Variants in ATG7 observed in about 807,000 individuals in gnomAD.
The protein encoded by ATG7 is autophagy related 7.
ATG7 carries 70 observed loss-of-function variants against 82.4 expected under a neutral mutation model. The ratio of observed to expected loss-of-function variants is 0.85; its 90% CI spans 0.70 to 1.04. The LOEUF is 1.04. Among genes scored for constraint, ATG7 ranks in the 50% least tolerant of loss-of-function variants. The pLI, the probability that ATG7 is intolerant of heterozygous loss-of-function variation, is 0.00. For missense variants in ATG7, 792 were observed against 864.3 expected, an observed-to-expected ratio of 0.92 and a Z score of 1.05; for synonymous variants, 287 against 313.0, an observed-to-expected ratio of 0.92 and a Z score of 0.88.
In ATG7 at chr3:11,503,646, C is replaced by T. The variant is rs537020733; in HGVS notation, c.2080-51165C>T. On this transcript the variant is annotated intron_variant, in intron 20 of 20. Transcript: ENST00000693202. Reference sequence around the variant, plus strand: ...TGGCGCGTGCCTGTAATCCCAGCTACTCAGGAGGCTGAGGCAGGAGAATCG... The same window carrying T: ...TGGCGCGTGCCTGTAATCCCAGCTATTCAGGAGGCTGAGGCAGGAGAATCG... Among the ~76,000 whole-genome samples, 149 of 150,858 alleles carry T rather than the reference C, an allele frequency of 9.9e-4. 1 individual carries two copies. The highest frequency in any genetic ancestry group is 3.3e-3 in the African/African-American group (135 of 41,102).
At chr3:11,440,040 C>T (rs938130827) in intron 20 of ATG7, among the ~76,000 whole-genome samples, 9 of 152,208 alleles carry the variant, frequency 5.9e-5, no homozygotes, top group African/African-American at 1.9e-4. Flanking sequence ...TAGGGTGATG[C>T]AGAGGCATTC....
At chr3:11,349,792 A>G (rs887564954) in intron 14 of ATG7, among the ~76,000 whole-genome samples, 5 of 152,210 alleles carry the variant, frequency 3.3e-5, no homozygotes, top group African/African-American at 1.2e-4. Flanking sequence ...AATTGAATGC[A>G]AGTCTTCATG....
intron 3 of ATG7, chr3:11,288,866 T>C (rs1944509239): frequency 6.6e-6 from 1 of 152,196 alleles, no homozygotes; most frequent in Non-Finnish European, 1.5e-5. Flanking sequence ...GGGGATTGTA[T>C]TGGTTAACCA....
chr3:11,358,200 C>G (rs534231679), intron 14 of ATG7, among the ~76,000 whole-genome samples: 3 of 152,112 alleles, frequency 2.0e-5, no homozygotes, highest in East Asian at 3.9e-4. Context: ...CTGTTTGCTG[C>G]CCTGCCCTGC....
chr3:11,442,910 G>A (rs971901153), intron 20 of ATG7, among the ~76,000 whole-genome samples: 1 of 151,994 alleles, frequency 6.6e-6, no homozygotes, highest in Admixed American at 6.6e-5. Flanking sequence ...CACAAAGCAA[G>A]ACCTTGGCTG....
chr3:11,353,923 C>T (rs114102892), intron 14 of ATG7, among the ~76,000 whole-genome samples: 2 of 152,318 alleles, frequency 1.3e-5, no homozygotes, highest in African/African-American at 2.4e-5. Flanking sequence ...ACCAGGAGGT[C>T]ATGAGCACCC....
At position 11,333,096 on chromosome 3, in the gene ATG7, A is replaced by T; in HGVS notation, c.889+3A>T. The T allele has an allele frequency of 6.5e-7, 1 of 1,548,740 alleles. No individual in the cohort carries two copies. ...TCCAGAAATGGCATTTAGCCCAGGTAATTTGCCGGTCTTTGAAAATGCATA... is the reference window on the plus strand; with the variant it reads ...TCCAGAAATGGCATTTAGCCCAGGTTATTTGCCGGTCTTTGAAAATGCATA... On this transcript the variant is annotated splice_donor_region_variant and intron_variant, in intron 11 of 20. Transcript: ENST00000693202.
chr3:11,461,548 T>C (rs557045564), intron 20 of ATG7, among the ~76,000 whole-genome samples: 1 of 152,292 alleles, frequency 6.6e-6, no homozygotes, highest in South Asian at 2.1e-4. Flanking sequence ...TCACAGTGAA[T>C]TGAACAGACT....
Position 11,555,149 on chromosome 3 carries a change from C to A in ATG7, c.*306C>A. ...TGATAGCCATCCCCCAGGATCCTTTCCCCTTGGCCCTGAGGGGGTGACCCA... is the reference window on the plus strand; with the variant it reads ...TGATAGCCATCCCCCAGGATCCTTTACCCTTGGCCCTGAGGGGGTGACCCA... On this transcript the variant is annotated 3_prime_UTR_variant, in exon 21 of 21. Transcript: ENST00000693202. The A allele has an allele frequency of 2.4e-6, 1 of 411,080 alleles. No individual in the cohort carries two copies. The highest frequency in any genetic ancestry group is 6.6e-4 in the Middle Eastern group (1 of 1,524). 25.5% of individuals were successfully genotyped at this position (411,080 alleles called of 1,614,324 possible). A position where few individuals can be genotyped will look rare whatever the true frequency, so the allele number is the denominator to read the frequency against.
intron 20 of ATG7, among the ~76,000 whole-genome samples, chr3:11,433,474 G>A (rs2083095791): frequency 6.6e-6 from 1 of 151,964 alleles, no homozygotes; most frequent in Non-Finnish European, 1.5e-5. Flanking sequence ...CCAACTGTGG[G>A]TTCAACATCA....
intron 7 of ATG7, among the ~76,000 whole-genome samples, chr3:11,310,778 A>G (rs984935594): frequency 6.6e-6 from 1 of 151,836 alleles, no homozygotes; most frequent in Non-Finnish European, 1.5e-5. Flanking sequence ...GACTACAGGC[A>G]CCCACCACCA....
intron 18 of ATG7, among the ~76,000 whole-genome samples, chr3:11,366,562 T>G (rs1026123083): frequency 4.6e-5 from 7 of 152,236 alleles, no homozygotes; most frequent in African/African-American, 7.2e-5. Flanking sequence ...GTCTCCCGCC[T>G]TCTTCTGACC....
the ATG7 span, among the ~76,000 whole-genome samples, chr3:11,572,220 T>C: frequency 7.6e-4 from 116 of 152,366 alleles, no homozygotes; most frequent in African/African-American, 2.7e-3. Flanking sequence ...CTCATCTTAG[T>C]AAATTCACTG....
At chr3:11,421,334 T>C (rs924471112) in intron 19 of ATG7, among the ~76,000 whole-genome samples, 2 of 152,236 alleles carry the variant, frequency 1.3e-5, no homozygotes, top group African/African-American at 4.8e-5. Flanking sequence ...GGAGTTGTCC[T>C]CTCAAATGCT....
At chr3:11,404,946 T>C (rs1379623751) in intron 19 of ATG7, among the ~76,000 whole-genome samples, 1 of 152,072 alleles carries the variant, frequency 6.6e-6, no homozygotes, top group African/African-American at 2.4e-5. Flanking sequence ...CAAGATGAGA[T>C]TTGGGTGGGG....
At chr3:11,568,569 G>C in the ATG7 span, 5 of 1,554,412 alleles carry the variant, frequency 3.2e-6, no homozygotes, top group Non-Finnish European at 4.4e-6. This position sits in a 1 kb window ranked among gnomAD's most constrained non-coding sequence, Gnocchi z 5.9. Flanking sequence ...CTGGAGAACT[G>C]GCTGGTTAAT....
At chr3:11,502,037 T>TACAC (rs147717751) in intron 20 of ATG7, among the ~76,000 whole-genome samples, 125,528 of 151,178 alleles carry the variant, frequency 0.83, 52,246 homozygotes, top group East Asian at 1. Flanking sequence ...TATACACACA[T>TACAC]ACACACATAT....
At chr3:11,495,540 T>C (rs1057325002) in intron 20 of ATG7, among the ~76,000 whole-genome samples, 2 of 152,114 alleles carry the variant, frequency 1.3e-5, no homozygotes, top group African/African-American at 4.8e-5. Flanking sequence ...CACTGACTAG[T>C]TGTGCTCCAG....
intron 19 of ATG7, among the ~76,000 whole-genome samples, chr3:11,419,058 CATA>C: frequency 6.6e-6 from 1 of 152,094 alleles, no homozygotes; most frequent in African/African-American, 2.4e-5. Flanking sequence ...AGAGCCAAAG[CATA>C]TCAAGTGGTT....
Sources: allele counts gnomAD v4.1 joint callset (sites outside exome capture counted in the v4.1 genomes callset), GRCh38; gene constraint gnomAD v4.1.1; non-coding constraint Gnocchi (gnomAD v3.1); transcripts MANE v1.5; gene names NCBI Gene and HGNC (gene_info 2026-07-23, HGNC 2026-07-21).